ITM2B: variants seen among roughly 807,000 people sequenced by gnomAD.
ITM2B encodes ABri/ADan amyloid peptide.
In ITM2B, 11 loss-of-function variants were observed where a neutral mutation model predicts 27.8. The ratio of observed to expected loss-of-function variants is 0.40; its 90% CI spans 0.25 to 0.66. The LOEUF is 0.66. Among genes scored for constraint, ITM2B ranks in the 30% least tolerant of loss-of-function variants. ITM2B has a pLI of 0.43. For synonymous variants in ITM2B, 114 were observed against 114.3 expected (o/e 1.00, Z 0.02); for missense variants, 296 against 328.9 (o/e 0.90, Z 0.77).
At chr13:48,243,571 A>G (rs972047910) in intron 1 of ITM2B, among the ~76,000 whole-genome samples, 2 of 152,126 alleles carry the variant, frequency 1.3e-5, no homozygotes, top group Non-Finnish European at 2.9e-5. Flanking sequence ...GCTCACGTCT[A>G]TAATTCCAGC....
intron 1 of ITM2B, among the ~76,000 whole-genome samples, chr13:48,239,819 A>G (rs946235666): frequency 1.3e-5 from 2 of 152,216 alleles, no homozygotes; most frequent in Non-Finnish European, 2.9e-5. Context: ...AGGACTGGCA[A>G]ATTATAGCCT....
intron 1 of ITM2B, among the ~76,000 whole-genome samples, chr13:48,248,760 G>T (rs1023836860): frequency 6.6e-6 from 1 of 152,212 alleles, no homozygotes; most frequent in Non-Finnish European, 1.5e-5. Flanking sequence ...GTGAATTTCT[G>T]TTGGGCCACA....
intron 1 of ITM2B, among the ~76,000 whole-genome samples, chr13:48,248,965 TAGAC>T (rs1191537361): frequency 1.3e-5 from 2 of 152,230 alleles, no homozygotes; most frequent in Non-Finnish European, 2.9e-5. Flanking sequence ...TATTGCCTGG[TAGAC>T]AGGAACTCAG....
intron 1 of ITM2B, among the ~76,000 whole-genome samples, chr13:48,236,274 T>A (rs1331241610): frequency 6.6e-6 from 1 of 152,222 alleles, no homozygotes; most frequent in East Asian, 1.9e-4. Flanking sequence ...ATTATATACA[T>A]GTTTTATGCT....
chr13:48,242,850 T>G (rs1284945217), intron 1 of ITM2B, among the ~76,000 whole-genome samples: 2 of 152,166 alleles, frequency 1.3e-5, no homozygotes, highest in Non-Finnish European at 2.9e-5. Flanking sequence ...ATGACTTGTC[T>G]GCTGTCATTC....
At chr13:48,246,353 C>T (rs1323594033) in intron 1 of ITM2B, among the ~76,000 whole-genome samples, 2 of 152,172 alleles carry the variant, frequency 1.3e-5, no homozygotes, top group African/African-American at 4.8e-5. Flanking sequence ...TTCCTCACTA[C>T]AGTCAAGACA....
In ITM2B at chr13:48,267,547, T is replaced by A. The variant is rs529388085; in HGVS notation, c.*6323T>A. The A allele has an allele frequency of 6.6e-5, 10 of 152,344 alleles. No individual in the cohort carries two copies. Among genetic ancestry groups the A allele is most frequent in the African/African-American group, 2.4e-4 (10 of 41,582 alleles). The allele number at this position is 152,344 out of a possible 1,614,324, so 9.4% of individuals were successfully genotyped here. The stretch of plus-strand genomic sequence containing the variant: ...CTTTAGCTCCCCATAGAAATGTCTT[T>A]GTATAACCATGGCATGATATTATTC... On this transcript the variant is annotated 3_prime_UTR_variant, in exon 6 of 6. Transcript: ENST00000647800.
intron 1 of ITM2B, among the ~76,000 whole-genome samples, chr13:48,247,514 A>AG (rs1370789726): frequency 6.6e-6 from 1 of 152,208 alleles, no homozygotes. Flanking sequence ...CTGTAAAAAA[A>AG]TGTTCAAATA....
chr13:48,254,325 CTCCCCTA>C (rs1046786628), intron 2 of ITM2B, among the ~76,000 whole-genome samples: 8 of 152,208 alleles, frequency 5.3e-5, no homozygotes, highest in Non-Finnish European at 8.8e-5. Flanking sequence ...TCAGCTTGGA[CTCCCCTA>C]TGGTCCTGCT....
chr13:48,236,583 C>A (rs1951669926), intron 1 of ITM2B, among the ~76,000 whole-genome samples: 1 of 152,230 alleles, frequency 6.6e-6, no homozygotes, highest in Admixed American at 6.5e-5. Context: ...TACCTCCTCA[C>A]TCTAACCAGA....
intron 1 of ITM2B, among the ~76,000 whole-genome samples, chr13:48,236,456 G>A (rs994951613): frequency 1.3e-5 from 2 of 152,172 alleles, no homozygotes; most frequent in Admixed American, 6.5e-5. Flanking sequence ...TAAGATGAGA[G>A]GGTAGGACCA....
chr13:48,237,671 C>T (rs966190546), intron 1 of ITM2B, among the ~76,000 whole-genome samples: 1 of 152,144 alleles, frequency 6.6e-6, no homozygotes, highest in Non-Finnish European at 1.5e-5. Flanking sequence ...GTTTATTATG[C>T]ATTTCCAAAT....
intron 5 of ITM2B, among the ~76,000 whole-genome samples, chr13:48,260,708 T>C (rs1052893280): frequency 1.2e-4 from 18 of 152,200 alleles, no homozygotes; most frequent in African/African-American, 4.3e-4. Flanking sequence ...ATGATTTCTT[T>C]TTTATTGCTG....
rs1188495474 is a variant in ITM2B at position 48,248,011 on chromosome 13, G to A, written c.118-5797G>A. On this transcript the variant is annotated intron_variant, in intron 1 of 5. Transcript: ENST00000647800. ...TTTATTGCAGTAGAAGGGAGGAAACGTCTCGGTGACTTGTTTTAAATTAGG... is the reference window on the plus strand; with the variant it reads ...TTTATTGCAGTAGAAGGGAGGAAACATCTCGGTGACTTGTTTTAAATTAGG... Among the ~76,000 whole-genome samples the A allele has an allele frequency of 3.3e-5, 5 of 152,088 alleles. 1 individual carries two copies. In the South Asian group the frequency reaches 6.2e-4, roughly 19 times the overall value.
chr13:48,260,432 A>G (rs1213640341), intron 5 of ITM2B, among the ~76,000 whole-genome samples: 1 of 152,132 alleles, frequency 6.6e-6, no homozygotes, highest in Non-Finnish European at 1.5e-5. Flanking sequence ...ACTCTCTTCC[A>G]CAATGGTTGA....
chr13:48,240,058 C>T (rs1951690960), intron 1 of ITM2B, among the ~76,000 whole-genome samples: 1 of 152,196 alleles, frequency 6.6e-6, no homozygotes, highest in South Asian at 2.1e-4. Flanking sequence ...TTGTCTCTAT[C>T]ACTTACTTTG....
At chr13:48,248,980 T>C (rs1951738145) in intron 1 of ITM2B, among the ~76,000 whole-genome samples, 1 of 152,236 alleles carries the variant, frequency 6.6e-6, no homozygotes, top group Non-Finnish European at 1.5e-5. Flanking sequence ...AGGAACTCAG[T>C]TGATTTCTTC....
chr13:48,241,841 A>T (rs1951701373), intron 1 of ITM2B, among the ~76,000 whole-genome samples: 1 of 152,220 alleles, frequency 6.6e-6, no homozygotes, highest in African/African-American at 2.4e-5. Context: ...TAGCGAGAGA[A>T]TGAAAGTGAA....
chr13:48,258,637 C>G (rs1230997026), intron 4 of ITM2B, among the ~76,000 whole-genome samples, 160 bp from the exon 5 acceptor site: 1 of 152,148 alleles, frequency 6.6e-6, no homozygotes, highest in Non-Finnish European at 1.5e-5. Flanking sequence ...GAATTTGAGA[C>G]CAGCCTGGAC....
Sources: allele counts gnomAD v4.1 joint callset (sites outside exome capture counted in the v4.1 genomes callset), GRCh38; gene constraint gnomAD v4.1.1; transcripts MANE v1.5; gene names NCBI Gene and HGNC (gene_info 2026-07-23, HGNC 2026-07-21).